Variants in MTMR3 observed in about 807,000 individuals in gnomAD.
MTMR3 encodes the protein phosphatidylinositol-3,5-bisphosphate 3-phosphatase MTMR3.
MTMR3 carries 32 observed loss-of-function variants against 132.4 expected under a neutral mutation model. The observed-to-expected ratio is 0.24, with a 90% confidence interval of 0.18 to 0.32. MTMR3 has a LOEUF of 0.32. MTMR3 is among the 10% of genes least tolerant of loss of function. MTMR3 has a pLI of 1.00. For missense variants in MTMR3, 1,216 were observed against 1,489.6 expected (o/e 0.82, Z 3.02); for synonymous variants, 556 against 550.3 (o/e 1.01, Z -0.14).
At chr22:29,924,505 C>T (rs991627746) in intron 1 of MTMR3, among the ~76,000 whole-genome samples, 1 of 152,128 alleles carries the variant, frequency 6.6e-6, no homozygotes, top group Admixed American at 6.5e-5. Context: ...GTGAGTTCTT[C>T]AACATTGTTC....
chr22:29,966,012 T>TA (rs1006939871), intron 2 of MTMR3, among the ~76,000 whole-genome samples: 5 of 152,156 alleles, frequency 3.3e-5, no homozygotes, highest in African/African-American at 7.2e-5. Flanking sequence ...CCATTATGGT[T>TA]AAAAAAACTT....
intron 2 of MTMR3, among the ~76,000 whole-genome samples, chr22:29,967,193 T>TTGTGTGTGTGTGTGTGTG (rs10680622): frequency 7.0e-6 from 1 of 141,958 alleles, no homozygotes; most frequent in East Asian, 2.1e-4. Flanking sequence ...TTCACCTCTG[T>TTGTGTGTGTGTGTGTGTG]TGTGTGTGTG....
intron 9 of MTMR3, chr22:30,004,167 C>A (rs2067229656): frequency 6.6e-6 from 1 of 152,198 alleles, no homozygotes; most frequent in Non-Finnish European, 1.5e-5. Context: ...TCAGACACCC[C>A]TAGAAAAGTC....
rs542136111 is a variant in MTMR3 at position 30,017,774 on chromosome 22, G to A, written c.1675-153G>A. On this transcript the variant is annotated intron_variant, in intron 15 of 19. Transcript: ENST00000401950. Reference sequence around the variant, plus strand: ...TCTAGTCCTGTATTGGTCCTCTTGGGATAGACCTGTATCCATTGGTGCTGC... The same window carrying A: ...TCTAGTCCTGTATTGGTCCTCTTGGAATAGACCTGTATCCATTGGTGCTGC... The A allele has an allele frequency of 7.4e-5, 66 of 892,136 alleles. No individual in the cohort carries two copies. The South Asian group carries it at 9.0e-4, about 12-fold the overall frequency. The allele number at this position is 892,136 out of a possible 1,614,324, so 55.3% of individuals were successfully genotyped here.
At chr22:29,942,019 T>C (rs941043241) in intron 1 of MTMR3, among the ~76,000 whole-genome samples, 4 of 152,142 alleles carry the variant, frequency 2.6e-5, no homozygotes, top group Non-Finnish European at 4.4e-5. Flanking sequence ...CGGTATTTTC[T>C]ATCTTGAATG....
intron 1 of MTMR3, among the ~76,000 whole-genome samples, chr22:29,953,683 A>T (rs973859903): frequency 6.6e-6 from 1 of 152,180 alleles, no homozygotes; most frequent in African/African-American, 2.4e-5. Context: ...ATGGGACAAT[A>T]TGTGTACCAA....
chr22:29,945,565 C>G (rs994255416), intron 1 of MTMR3, among the ~76,000 whole-genome samples: 1 of 151,620 alleles, frequency 6.6e-6, no homozygotes, highest in Non-Finnish European at 1.5e-5. Context: ...TGTAGCCAGG[C>G]ATGGTGGTAT....
At chr22:30,008,076 G>T (rs2067312696) in intron 11 of MTMR3, 44 bp downstream of exon 11, 4 of 1,594,942 alleles carry the variant, frequency 2.5e-6, no homozygotes, top group South Asian at 2.2e-5. Context: ...CTCCTTGTGA[G>T]TGTAGCCCTT....
chr22:29,917,700 T>G (rs904368320), intron 1 of MTMR3, among the ~76,000 whole-genome samples: 4 of 152,252 alleles, frequency 2.6e-5, no homozygotes, highest in Admixed American at 2.0e-4. Context: ...CAGTATTTAT[T>G]GACAAATGAG....
intron 1 of MTMR3, among the ~76,000 whole-genome samples, chr22:29,913,906 C>T (rs1054677377): frequency 2.0e-5 from 3 of 152,088 alleles, no homozygotes; most frequent in Admixed American, 1.3e-4. Flanking sequence ...CTCATGCCAC[C>T]GCACTCGGCT....
intron 2 of MTMR3, among the ~76,000 whole-genome samples, chr22:29,960,460 G>GT (rs2066288383): frequency 6.6e-6 from 1 of 152,142 alleles, no homozygotes; most frequent in Admixed American, 6.6e-5. Flanking sequence ...AAAAATGCAC[G>GT]TGCATATGCG....
chr22:30,017,661 A>C (rs2067628654), intron 15 of MTMR3: 1 of 393,458 alleles, frequency 2.5e-6, no homozygotes, highest in Non-Finnish European at 4.5e-6. Flanking sequence ...CTAAGAAATA[A>C]CTATAATGAG....
intron 1 of MTMR3, among the ~76,000 whole-genome samples, chr22:29,906,248 CTGT>C (rs778595827): frequency 0.18 from 17,135 of 96,974 alleles, 1,331 homozygotes; most frequent in East Asian, 0.43. Flanking sequence ...ATCCATCCGT[CTGT>C]CTGTCTGTCT....
At position 29,941,148 on chromosome 22, in the gene MTMR3, A is replaced by G. The variant is rs142745637; in HGVS notation, c.-137-15888A>G. 6.4e-5 allele frequency among the ~76,000 whole-genome samples: 9 copies of G among 140,140 alleles called. No homozygotes were observed. The East Asian group carries it at 1.7e-3, about 27-fold the overall frequency. 91.9% of individuals were successfully genotyped at this position (140,140 alleles called of 152,430 possible). ...TTAGTTTCGTCCTTGAACTTCATGT[A>G]AATGGAATCATACAATATTCTTTTC... On this transcript the variant is annotated intron_variant, in intron 1 of 19. Transcript: ENST00000401950.
At chr22:29,925,464 T>G (rs2065496920) in intron 1 of MTMR3, among the ~76,000 whole-genome samples, 1 of 152,036 alleles carries the variant, frequency 6.6e-6, no homozygotes, top group Non-Finnish European at 1.5e-5. Context: ...AGTGGATAAT[T>G]GCAGAGGCTC....
At chr22:29,946,915 A>G (rs889105333) in intron 1 of MTMR3, among the ~76,000 whole-genome samples, 2 of 152,220 alleles carry the variant, frequency 1.3e-5, no homozygotes, top group East Asian at 3.8e-4. Flanking sequence ...CAATGATAAT[A>G]TATACCACGG....
intron 6 of MTMR3, chr22:29,989,404 A>G (rs2066916985): frequency 6.6e-6 from 1 of 151,876 alleles, no homozygotes; most frequent in Admixed American, 6.6e-5. Flanking sequence ...AATTTTTTGT[A>G]TTTTTAGTAG....
At chr22:29,935,029 G>A (rs1050480707) in intron 1 of MTMR3, among the ~76,000 whole-genome samples, 9 of 152,116 alleles carry the variant, frequency 5.9e-5, no homozygotes, top group African/African-American at 2.2e-4. Context: ...TTAACTATAG[G>A]TGTCTTGTGA....
At chr22:30,008,717 G>A (rs920276947) in intron 11 of MTMR3, 20 of 264,034 alleles carry the variant, frequency 7.6e-5, no homozygotes, top group South Asian at 3.9e-4. Context: ...GGCCCAAGAA[G>A]TAAAGCCAGA....
Sources: allele counts gnomAD v4.1 joint callset (sites outside exome capture counted in the v4.1 genomes callset), GRCh38; gene constraint gnomAD v4.1.1; transcripts MANE v1.5; gene names NCBI Gene and HGNC (gene_info 2026-07-23, HGNC 2026-07-21).